CEP85L: variants seen among roughly 807,000 people sequenced by gnomAD.
CEP85L encodes the protein centrosomal protein of 85 kDa-like.
In CEP85L, 60 loss-of-function variants were observed where a neutral mutation model predicts 100.3. The observed-to-expected ratio is 0.60, with a 90% CI of 0.49 to 0.74. The LOEUF (loss-of-function observed/expected upper bound fraction) is 0.74. Among genes scored for constraint, CEP85L ranks in the 30% least tolerant of loss-of-function variants. The pLI is 0.00. For synonymous variants in CEP85L, 319 were observed against 322.7 expected, an observed-to-expected ratio of 0.99 and a Z score of 0.12; for missense variants, 973 against 936.2, an observed-to-expected ratio of 1.04 and a Z score of -0.51.
intron 2 of CEP85L, among the ~76,000 whole-genome samples, chr6:118,574,677 A>G (rs1223863949): frequency 6.6e-6 from 1 of 152,234 alleles, no homozygotes; most frequent in African/African-American, 2.4e-5. Flanking sequence ...AAAAGCCTAC[A>G]GTACAGATAC....
intron 3 of CEP85L, among the ~76,000 whole-genome samples, chr6:118,564,389 T>C (rs1779386123): frequency 6.6e-6 from 1 of 152,214 alleles, no homozygotes; most frequent in Non-Finnish European, 1.5e-5. Flanking sequence ...TTGACAGTAT[T>C]TGAAAAATTA....
intron 1 of CEP85L, among the ~76,000 whole-genome samples, chr6:118,684,089 G>A (rs1303846319): frequency 6.6e-6 from 1 of 152,126 alleles, no homozygotes; most frequent in African/African-American, 2.4e-5. Context: ...GGAAGTGGAG[G>A]CCAAAGCTAA....
chr6:118,590,260 C>G (rs976907910), intron 2 of CEP85L, among the ~76,000 whole-genome samples: 5 of 152,106 alleles, frequency 3.3e-5, no homozygotes, highest in Non-Finnish European at 7.4e-5. Flanking sequence ...ACAGATAGGA[C>G]AAGGGGTCCT....
intron 2 of CEP85L, among the ~76,000 whole-genome samples, chr6:118,630,184 C>T (rs1478107164): frequency 2.0e-5 from 3 of 152,186 alleles, no homozygotes; most frequent in Non-Finnish European, 4.4e-5. Flanking sequence ...ACCTAAAACG[C>T]ATGTGTGTGG....
chr6:118,661,128 G>C (rs1182668687), intron 1 of CEP85L, among the ~76,000 whole-genome samples: 3 of 151,962 alleles, frequency 2.0e-5, no homozygotes, highest in African/African-American at 7.2e-5. Flanking sequence ...CTCATTATCT[G>C]CCCACCTCAG....
chr6:118,528,894 A>G (rs1369571258), intron 3 of CEP85L, among the ~76,000 whole-genome samples: 2 of 152,222 alleles, frequency 1.3e-5, no homozygotes, highest in African/African-American at 2.4e-5. Flanking sequence ...ATTCTCTATA[A>G]ACAACTGATA....
At chr6:118,528,088 C>T (rs1183531699) in intron 3 of CEP85L, among the ~76,000 whole-genome samples, 1 of 152,084 alleles carries the variant, frequency 6.6e-6, no homozygotes, top group Non-Finnish European at 1.5e-5. Flanking sequence ...AAGACAAGTA[C>T]CTAGGCAACA....
chr6:118,689,132 C>G (rs1776945957), intron 1 of CEP85L, among the ~76,000 whole-genome samples: 1 of 152,110 alleles, frequency 6.6e-6, no homozygotes. Context: ...CTGGGATTAC[C>G]TCGCCACTAC....
chr6:118,565,473 C>T (rs780073976), intron 3 of CEP85L, 56 bp downstream of exon 3: 8 of 1,487,246 alleles, frequency 5.4e-6, no homozygotes, highest in Non-Finnish European at 7.5e-6. Context: ...TGTAAGTGTG[C>T]TACTGTACTC....
At chr6:118,545,906 G>T (rs1298855435) in intron 3 of CEP85L, among the ~76,000 whole-genome samples, 1 of 152,100 alleles carries the variant, frequency 6.6e-6, no homozygotes, top group East Asian at 1.9e-4. Flanking sequence ...AGATTAGGCT[G>T]CTTAGGAAAG....
chr6:118,542,049 G>T (rs1777924782), intron 3 of CEP85L, among the ~76,000 whole-genome samples: 1 of 152,092 alleles, frequency 6.6e-6, no homozygotes, highest in Non-Finnish European at 1.5e-5. Context: ...GAATTTAACA[G>T]ATTTATTTAC....
At chr6:118,602,094 G>C (rs1286008193) in intron 2 of CEP85L, among the ~76,000 whole-genome samples, 1 of 152,108 alleles carries the variant, frequency 6.6e-6, no homozygotes, top group Non-Finnish European at 1.5e-5. Context: ...AATGATTGCA[G>C]AGGGATGAAG....
intron 2 of CEP85L, among the ~76,000 whole-genome samples, chr6:118,610,141 T>A (rs1562306830): frequency 2.0e-5 from 3 of 152,144 alleles, no homozygotes; most frequent in African/African-American, 4.8e-5. Flanking sequence ...GAGATTTTTT[T>A]AAAAAATGAG....
intron 9 of CEP85L, 92 bp from the exon 10 acceptor site, chr6:118,480,013 A>C (rs1773661787): frequency 2.8e-6 from 2 of 707,576 alleles, no homozygotes; most frequent in South Asian, 2.0e-5. Flanking sequence ...GAAATTTATA[A>C]ATTTATTTTT....
chr6:118,591,559 C>CT (rs1441707055), intron 2 of CEP85L, among the ~76,000 whole-genome samples: 4 of 152,160 alleles, frequency 2.6e-5, no homozygotes, highest in Admixed American at 2.6e-4. Flanking sequence ...TGATTGGTCA[C>CT]TTTCTGCAAC....
intron 5 of CEP85L, chr6:118,502,850 CCT>C (rs1775394066): frequency 8.2e-6 from 5 of 610,106 alleles, no homozygotes; most frequent in South Asian, 1.6e-5. Context: ...CATTCCTTCC[CCT>C]GTCATGGAAA....
At position 118,483,258 on chromosome 6, in the gene CEP85L, A is replaced by C. The variant is rs543336727; in HGVS notation, c.1590+448T>G. Among the ~76,000 whole-genome samples the C allele has an allele frequency of 2.0e-5, 3 of 152,202 alleles. No individual in the cohort carries two copies. In the South Asian group the frequency reaches 6.2e-4, roughly 32 times the overall value. On this transcript the variant is annotated intron_variant, in intron 7 of 12. Coordinates refer to ENST00000368491, the MANE Select transcript of CEP85L (RefSeq NM_001042475.3). ...GGAAAAAAAAATAAATAAAAGAAAA[A>C]GTCAGAGGAGTTAATTGAAGTCATA...
intron 2 of CEP85L, among the ~76,000 whole-genome samples, chr6:118,581,060 C>G (rs1780547835): frequency 6.6e-6 from 1 of 152,054 alleles, no homozygotes; most frequent in African/African-American, 2.4e-5. Flanking sequence ...TTTTTTAATG[C>G]TAACACTGCA....
intron 4 of CEP85L, among the ~76,000 whole-genome samples, chr6:118,514,201 G>C (rs765462889): frequency 3.3e-5 from 5 of 152,060 alleles, no homozygotes; most frequent in Admixed American, 1.3e-4. Context: ...GAAGGCAAAG[G>C]GGAACAAAGA....
Sources: allele counts gnomAD v4.1 joint callset (sites outside exome capture counted in the v4.1 genomes callset), GRCh38; gene constraint gnomAD v4.1.1; transcripts MANE v1.5; gene names NCBI Gene and HGNC (gene_info 2026-07-23, HGNC 2026-07-21).